The following FHOD3 variants were observed in gnomAD, a reference collection of about 807,000 sequenced individuals.
The protein encoded by FHOD3 is formin homology 2 domain containing 3.
FHOD3 carries 90 observed loss-of-function variants against 173.0 expected under a neutral mutation model. The observed-to-expected ratio is 0.52, with a 90% CI of 0.44 to 0.62. The LOEUF (loss-of-function observed/expected upper bound fraction) is 0.62, where lower values mean the gene tolerates loss of function less well. Among genes scored for constraint, FHOD3 ranks in the 20% least tolerant of loss-of-function variants. The pLI is 0.00. For synonymous variants in FHOD3, 828 were observed against 823.0 expected (o/e 1.01, Z -0.10); for missense variants, 1,945 against 2,034.7 (o/e 0.96, Z 0.85).
chr18:36,397,622 A>G (rs570338540), intron 3 of FHOD3, among the ~76,000 whole-genome samples: 74 of 152,342 alleles, frequency 4.9e-4, no homozygotes, highest in African/African-American at 1.5e-3. Context: ...CTCCATCTTT[A>G]TAGAATCCTG....
intron 1 of FHOD3, among the ~76,000 whole-genome samples, chr18:36,332,323 G>T (rs549878534): frequency 6.6e-6 from 1 of 152,308 alleles, no homozygotes; most frequent in Non-Finnish European, 1.5e-5. Context: ...TCAGAGTGTG[G>T]CTCACATAGG....
At chr18:36,482,154 T>C (rs2053936651) in intron 3 of FHOD3, among the ~76,000 whole-genome samples, 1 of 152,224 alleles carries the variant, frequency 6.6e-6, no homozygotes, top group Non-Finnish European at 1.5e-5. Context: ...CTACCTATTA[T>C]GTGTCAGTCA....
At chr18:36,325,255 T>C (rs182128177) in intron 1 of FHOD3, among the ~76,000 whole-genome samples, 31 of 152,122 alleles carry the variant, frequency 2.0e-4, no homozygotes, top group Admixed American at 1.8e-3. Context: ...GTGGTAGTTA[T>C]ATGGATGTGC....
chr18:36,619,499 T>C (rs2033523507), intron 9 of FHOD3, among the ~76,000 whole-genome samples: 1 of 152,252 alleles, frequency 6.6e-6, no homozygotes, highest in Non-Finnish European at 1.5e-5. Context: ...ATTTAGGAAT[T>C]TGATTGCTGA....
chr18:36,740,046 C>T (rs536966300), intron 20 of FHOD3, among the ~76,000 whole-genome samples: 3 of 152,100 alleles, frequency 2.0e-5, no homozygotes, highest in Non-Finnish European at 2.9e-5. Context: ...GGAATTTGAG[C>T]GTAGGAGAAT....
chr18:36,577,919 G>A (rs1346307669), intron 6 of FHOD3, among the ~76,000 whole-genome samples: 1 of 152,194 alleles, frequency 6.6e-6, no homozygotes, highest in Non-Finnish European at 1.5e-5. Context: ...ACTGCAGGGG[G>A]ATTTGGGAGA....
At position 36,730,942 on chromosome 18, in the gene FHOD3, C is replaced by A. The variant is rs529356608; in HGVS notation, c.3576+138C>A. Reference sequence around the variant, plus strand: ...CTGAATAAGGTTAATAATTCTTACACGTGTTAAACTTTTTGAGGGGAGGGG... The same window carrying A: ...CTGAATAAGGTTAATAATTCTTACAAGTGTTAAACTTTTTGAGGGGAGGGG... On this transcript the variant is annotated intron_variant, in intron 20 of 28. Transcript: ENST00000590592. The A allele has an allele frequency of 6.6e-6, 6 of 913,748 alleles. No individual in the cohort carries two copies. In the Admixed American group the frequency reaches 1.6e-4, roughly 25 times the overall value. 56.6% of individuals were successfully genotyped at this position (913,748 alleles called of 1,614,324 possible).
At chr18:36,732,025 A>G (rs993540022) in intron 20 of FHOD3, among the ~76,000 whole-genome samples, 2 of 152,252 alleles carry the variant, frequency 1.3e-5, no homozygotes, top group Non-Finnish European at 2.9e-5. Flanking sequence ...TCTAAATCCA[A>G]TGACTGGTAT....
At chr18:36,435,487 G>C (rs1204642870) in intron 3 of FHOD3, among the ~76,000 whole-genome samples, 1 of 152,128 alleles carries the variant, frequency 6.6e-6, no homozygotes, top group African/African-American at 2.4e-5. Flanking sequence ...CTAAGTAACA[G>C]TTTGGTTTGC....
chr18:36,572,635 A>G (rs1016770579), intron 5 of FHOD3, among the ~76,000 whole-genome samples: 1 of 152,194 alleles, frequency 6.6e-6, no homozygotes, highest in African/African-American at 2.4e-5. Context: ...CGGGGAACAG[A>G]TCAAGTCAGC....
intron 1 of FHOD3, among the ~76,000 whole-genome samples, chr18:36,352,358 C>T (rs1221904052): frequency 6.6e-6 from 1 of 152,218 alleles, no homozygotes; most frequent in African/African-American, 2.4e-5. Context: ...TAGACATTCA[C>T]AGTGTGTCAC....
At chr18:36,779,027 T>G (rs2043900930) in intron 28 of FHOD3, 2 of 164,814 alleles carry the variant, frequency 1.2e-5, no homozygotes, top group Admixed American at 1.2e-4. Context: ...TAGTGGAGCT[T>G]GCATTTTCCC....
chr18:36,554,806 G>GTTATT (rs2057807217), intron 5 of FHOD3, among the ~76,000 whole-genome samples: 1 of 152,094 alleles, frequency 6.6e-6, no homozygotes, highest in South Asian at 2.1e-4. Context: ...ATGAGGCTTT[G>GTTATT]TTATTTTGTA....
chr18:36,644,137 G>C (rs1418277308), intron 10 of FHOD3, among the ~76,000 whole-genome samples: 6 of 152,126 alleles, frequency 3.9e-5, no homozygotes, highest in African/African-American at 1.4e-4. Context: ...GCGGTGAAAA[G>C]GAAGATACCT....
intron 17 of FHOD3, among the ~76,000 whole-genome samples, chr18:36,704,348 A>G (rs2039753459): frequency 6.6e-6 from 1 of 152,178 alleles, no homozygotes; most frequent in Non-Finnish European, 1.5e-5. Flanking sequence ...GGATGCCTGT[A>G]ATGTTACCAG....
chr18:36,461,437 G>A (rs921915988), intron 3 of FHOD3, among the ~76,000 whole-genome samples: 4 of 148,642 alleles, frequency 2.7e-5, no homozygotes, highest in Non-Finnish European at 5.9e-5. Context: ...TTTGAGCTCA[G>A]TCTGTTTTTT....
intron 20 of FHOD3, 145 bp from the exon 21 acceptor site, chr18:36,740,511 A>T (rs2041851179): frequency 1.2e-6 from 1 of 830,178 alleles, no homozygotes; most frequent in African/African-American, 1.8e-5. Context: ...AGTTGCTTCA[A>T]GTATATTTGG....
intron 2 of FHOD3, among the ~76,000 whole-genome samples, chr18:36,367,750 A>G (rs2046969126): frequency 1.3e-5 from 2 of 152,144 alleles, no homozygotes; most frequent in African/African-American, 4.8e-5. Context: ...TGTGTCCCCA[A>G]CCAAACCTTG....
At chr18:36,518,103 T>G (rs2056087536) in intron 5 of FHOD3, among the ~76,000 whole-genome samples, 1 of 152,224 alleles carries the variant, frequency 6.6e-6, no homozygotes, top group South Asian at 2.1e-4. Context: ...ATTTTGGCAC[T>G]TTATAAAATG....
Sources: allele counts gnomAD v4.1 joint callset (sites outside exome capture counted in the v4.1 genomes callset), GRCh38; gene constraint gnomAD v4.1.1; transcripts MANE v1.5; gene names NCBI Gene and HGNC (gene_info 2026-07-23, HGNC 2026-07-21).